KCNG3: variants seen among roughly 807,000 people sequenced by gnomAD.
KCNG3 encodes potassium voltage-gated channel modifier subfamily G member 3, also known as voltage-gated potassium channel regulatory subunit KCNG3.
A neutral mutation model predicts 29.0 loss-of-function variants in KCNG3; 15 were observed. The ratio of observed to expected loss-of-function variants is 0.52; its 90% confidence interval spans 0.35 to 0.80. The LOEUF is 0.80. Among genes scored for constraint, KCNG3 ranks in the 30% least tolerant of loss-of-function variants. The pLI is 0.01. For synonymous variants in KCNG3, 322 were observed against 248.9 expected (o/e 1.29, Z -2.76); for missense variants, 512 against 605.7 (o/e 0.85, Z 1.62).
chr2:42,430,089 G>A, the KCNG3 span, among the ~76,000 whole-genome samples: 5 of 152,212 alleles, frequency 3.3e-5, no homozygotes, highest in African/African-American at 1.2e-4. Context: ...CTAGGGGGGC[G>A]GACATGGTAG....
At chr2:42,402,032 G>T in the KCNG3 span, among the ~76,000 whole-genome samples, 1 of 152,326 alleles carries the variant, frequency 6.6e-6, no homozygotes, top group East Asian at 1.9e-4. Context: ...GGTGTTTATG[G>T]AGGTATTCGT....
At chr2:42,436,055 A>C in the KCNG3 span, among the ~76,000 whole-genome samples, 1 of 152,260 alleles carries the variant, frequency 6.6e-6, no homozygotes, top group African/African-American at 2.4e-5. Context: ...TCAGTCGTAA[A>C]AAGGAATGAT....
the KCNG3 span, among the ~76,000 whole-genome samples, chr2:42,418,702 T>A: frequency 3.3e-5 from 5 of 152,192 alleles, no homozygotes; most frequent in Non-Finnish European, 7.3e-5. Flanking sequence ...AATTTTACCA[T>A]CTTAACTATT....
At position 42,443,825 on chromosome 2, in the gene KCNG3, C is replaced by T; in HGVS notation, c.*109G>A. 1 of 1,044,166 alleles carries T rather than the reference C, an allele frequency of 9.6e-7. No individual in the cohort carries two copies. Among genetic ancestry groups the T allele is most frequent in the Non-Finnish European group, 1.4e-6 (1 of 713,548 alleles). 64.7% of individuals were successfully genotyped at this position (1,044,166 alleles called of 1,614,324 possible). The stretch of plus-strand genomic sequence containing the variant: ...CTGGGAAGGATAATTTTTACCCTAC[C>T]AAGATGATGACAATGCCACTGCAGT... On this transcript the variant is annotated 3_prime_UTR_variant, in exon 2 of 2. Coordinates refer to ENST00000306078, the MANE Select transcript of KCNG3 (RefSeq NM_133329.6).
Position 42,493,397 on chromosome 2 carries a change from C to T in KCNG3, c.105G>A (p.Val35=). The change falls in exon 1 of 2, where the codon GTG becomes GTA. Residue 35 remains valine (V), a synonymous_variant. Transcript: ENST00000306078. The part of the protein sequence containing the change: ...ELLKDFPLRR[V]SRLHGCRSER... The stretch of plus-strand genomic sequence containing the variant: ...CGGAGCGGCAGCCGTGCAGCCGGCT[C>T]ACGCGGCGCAGCGGGAAGTCCTTCA... 6.6e-7 allele frequency: 1 copy of T among 1,522,276 alleles called. No homozygotes were observed. Among genetic ancestry groups the T allele is most frequent in the Admixed American group, 2.0e-5 (1 of 49,542 alleles). 94.3% of individuals were successfully genotyped at this position (1,522,276 alleles called of 1,614,324 possible).
intron 1 of KCNG3, among the ~76,000 whole-genome samples, chr2:42,479,597 G>A (rs1673529876): frequency 6.8e-6 from 1 of 147,314 alleles, no homozygotes; most frequent in African/African-American, 2.5e-5. Context: ...AGTGAGCCAA[G>A]ATAGCACCAC....
In KCNG3 at chr2:42,492,836, C is replaced by A. The variant is rs779722276; in HGVS notation, c.665+1G>T. The A allele has an allele frequency of 6.7e-7, 1 of 1,493,324 alleles. No homozygotes were observed. The highest frequency in any genetic ancestry group is 8.9e-7 in the Non-Finnish European group (1 of 1,125,232). The allele number at this position is 1,493,324 out of a possible 1,614,324, so 92.5% of individuals were successfully genotyped here. A position where few individuals can be genotyped will look rare whatever the true frequency, so the allele number is the denominator to read the frequency against. On this transcript the variant is annotated splice_donor_variant, in intron 1 of 1. Transcript: ENST00000306078. LOFTEE classifies it high-confidence loss of function. ...ACGGGTAGAGAAGCAGTGCGTCCTA[C>A]CCGGAGGGCTCCCTCCCAGGGCCGG... is the stretch of plus-strand genomic sequence containing the variant.
the KCNG3 span, among the ~76,000 whole-genome samples, chr2:42,434,625 C>T: frequency 2.1e-5 from 3 of 143,564 alleles, no homozygotes; most frequent in Non-Finnish European, 3.0e-5. Flanking sequence ...GAGATCGCAC[C>T]GCTTCACTCC....
chr2:42,441,499 C>A (rs894227065), downstream of KCNG3, among the ~76,000 whole-genome samples: 10 of 152,000 alleles, frequency 6.6e-5, no homozygotes, highest in African/African-American at 2.4e-4. Flanking sequence ...AACCCTAATA[C>A]ATATTTTTTC....
the KCNG3 span, among the ~76,000 whole-genome samples, chr2:42,419,217 CTCTTTTT>C: frequency 2.1e-5 from 1 of 47,540 alleles, no homozygotes; most frequent in Non-Finnish European, 4.2e-5. Flanking sequence ...CAGATGGTAT[CTCTTTTT>C]TTTTTTTTTT....
At chr2:42,477,382 T>C (rs375391399) in intron 1 of KCNG3, among the ~76,000 whole-genome samples, 78 of 105,210 alleles carry the variant, frequency 7.4e-4, no homozygotes, top group Middle Eastern at 0.011. Flanking sequence ...TACACACACA[T>C]ATATATACAC....
In KCNG3 at chr2:42,492,950, G is replaced by C. The variant is rs781501221; in HGVS notation, c.552C>G (p.Ser184=). ...ACGTGCTGGCGCACAGCACCACCAT[G>C]GACACGATCACGAACACCACCGACA... The part of the protein sequence containing the change: ...ASVSVVFVIV[S]MVVLCASTLP... The change falls in exon 1 of 2, where the codon TCC becomes TCG. Residue 184 remains serine (S), a synonymous_variant. Transcript: ENST00000306078. The C allele has an allele frequency of 1.3e-5, 20 of 1,588,756 alleles. No individual in the cohort carries two copies. The highest frequency in any genetic ancestry group is 1.7e-5 in the Non-Finnish European group (20 of 1,171,080).
intron 1 of KCNG3, among the ~76,000 whole-genome samples, chr2:42,490,435 A>C (rs1049114131): frequency 3.3e-5 from 5 of 152,148 alleles, no homozygotes; most frequent in Non-Finnish European, 5.9e-5. Flanking sequence ...AAATAAAATA[A>C]AATAAAATAA....
At chr2:42,402,190 C>A in the KCNG3 span, among the ~76,000 whole-genome samples, 3 of 152,202 alleles carry the variant, frequency 2.0e-5, no homozygotes, top group Non-Finnish European at 4.4e-5. Flanking sequence ...TGCCCTTGGA[C>A]ATCAGAACCC....
At chr2:42,404,082 T>C in the KCNG3 span, among the ~76,000 whole-genome samples, 18 of 152,330 alleles carry the variant, frequency 1.2e-4, no homozygotes, top group East Asian at 3.5e-3. Flanking sequence ...AACCGGCCCA[T>C]AAAACGGTCC....
chr2:42,484,224 G>T (rs1673661964), intron 1 of KCNG3, among the ~76,000 whole-genome samples: 1 of 152,152 alleles, frequency 6.6e-6, no homozygotes, highest in Non-Finnish European at 1.5e-5. Flanking sequence ...CATTTTGGGA[G>T]GCCGAGGAGG....
chr2:42,424,886 G>A, the KCNG3 span: 1 of 152,206 alleles, frequency 6.6e-6, no homozygotes, highest in Non-Finnish European at 1.5e-5. Context: ...GGGAAATGCA[G>A]GACCCCGGCT....
rs376174655 is a variant in KCNG3 at position 42,486,974 on chromosome 2, T to C, written c.665+5863A>G. 3.6e-4 allele frequency among the ~76,000 whole-genome samples: 54 copies of C among 152,020 alleles called. No individual in the cohort carries two copies. In the South Asian group the frequency reaches 7.7e-3, roughly 22 times the overall value. On this transcript the variant is annotated intron_variant, in intron 1 of 1. Coordinates refer to ENST00000306078, the MANE Select transcript of KCNG3 (RefSeq NM_133329.6). ...GAGTTTGAGACCAGCCTGGCCAATA[T>C]GGTTAAACCCCATCTCTACTAAAAA...
chr2:42,476,008 G>A (rs1673415486), intron 1 of KCNG3, among the ~76,000 whole-genome samples: 1 of 152,230 alleles, frequency 6.6e-6, no homozygotes, highest in African/African-American at 2.4e-5. Flanking sequence ...AGAGGTTGCA[G>A]TGAGCCAAGA....
Sources: gnomAD v4.1 joint callset for allele counts (sites outside exome capture counted in the v4.1 genomes callset) on GRCh38, gnomAD v4.1.1 for gene constraint, MANE v1.5 for transcripts, NCBI Gene and HGNC (gene_info 2026-07-23, HGNC 2026-07-21) for gene names.